The following CNTNAP2 variants were observed in gnomAD, a reference collection of about 807,000 sequenced individuals.
The protein encoded by CNTNAP2 is contactin-associated protein-like 2.
Under a neutral mutation model 155.2 loss-of-function variants are expected in CNTNAP2, and 98 were observed. The ratio of observed to expected loss-of-function variants is 0.63; its 90% CI spans 0.54 to 0.75. The LOEUF is 0.75. CNTNAP2 is among the 30% of genes least tolerant of loss of function. The probability of loss-of-function intolerance (pLI) is 0.00; values close to 1 mark genes in which losing one functional copy is unlikely to be tolerated. For synonymous variants in CNTNAP2, 651 were observed against 631.2 expected, an observed-to-expected ratio of 1.03 and a Z score of -0.47; for missense variants, 1,727 against 1,688.1, an observed-to-expected ratio of 1.02 and a Z score of -0.40.
chr7:146,815,772 T>TTA (rs369028614), intron 2 of CNTNAP2, among the ~76,000 whole-genome samples: 1 of 151,958 alleles, frequency 6.6e-6, no homozygotes, highest in Non-Finnish European at 1.5e-5. Context: ...ACTTTTTTTT[T>TTA]ATTATACTTT....
chr7:146,795,777 C>T (rs1000737563), intron 2 of CNTNAP2, among the ~76,000 whole-genome samples: 1 of 152,118 alleles, frequency 6.6e-6, no homozygotes, highest in Non-Finnish European at 1.5e-5. Context: ...TATGCCCCAG[C>T]AATTTCAATG....
At chr7:147,985,846 T>G (rs1052321050) in intron 15 of CNTNAP2, among the ~76,000 whole-genome samples, 1 of 152,198 alleles carries the variant, frequency 6.6e-6, no homozygotes, top group Non-Finnish European at 1.5e-5. Flanking sequence ...GAAACTCAGC[T>G]TCTGCCCTTA....
chr7:147,735,679 A>G (rs112324122), intron 13 of CNTNAP2, among the ~76,000 whole-genome samples: 29,130 of 152,044 alleles, frequency 0.19, 3,215 homozygotes, highest in Middle Eastern at 0.38. Flanking sequence ...AGGTGTCGAA[A>G]GACTTGCTTT....
chr7:146,724,678 C>T (rs1298270628), intron 1 of CNTNAP2, among the ~76,000 whole-genome samples: 4 of 143,024 alleles, frequency 2.8e-5, no homozygotes, highest in African/African-American at 5.1e-5. Flanking sequence ...TCAAGCAATT[C>T]TCCTGTCTCA....
At chr7:146,915,516 G>T (rs1796374801) in intron 3 of CNTNAP2, among the ~76,000 whole-genome samples, 1 of 152,026 alleles carries the variant, frequency 6.6e-6, no homozygotes, top group South Asian at 2.1e-4. Context: ...TTTCCTTGTA[G>T]AAGTCTTTCA....
At chr7:146,938,114 A>G (rs1386224153) in intron 3 of CNTNAP2, among the ~76,000 whole-genome samples, 3 of 152,148 alleles carry the variant, frequency 2.0e-5, no homozygotes, top group Non-Finnish European at 4.4e-5. Flanking sequence ...AGATAAGTGA[A>G]TTGAAGGGGT....
At chr7:147,832,142 T>G (rs977971252) in intron 13 of CNTNAP2, among the ~76,000 whole-genome samples, 1 of 147,422 alleles carries the variant, frequency 6.8e-6, no homozygotes, top group Non-Finnish European at 1.5e-5. Flanking sequence ...TTTATATTTT[T>G]AAATAAATAT....
intron 1 of CNTNAP2, among the ~76,000 whole-genome samples, chr7:146,288,793 AT>A (rs757136036): frequency 0.019 from 1,881 of 99,914 alleles, 17 homozygotes; most frequent in African/African-American, 0.083. Flanking sequence ...AAAATTAGTA[AT>A]TTTTTTTTTT....
intron 8 of CNTNAP2, among the ~76,000 whole-genome samples, chr7:147,248,175 C>T (rs1804109611): frequency 1.3e-5 from 2 of 152,166 alleles, no homozygotes; most frequent in Middle Eastern, 6.8e-3. Flanking sequence ...TTAGATAGTG[C>T]CAAAGACTAA....
At chr7:147,962,971 A>T (rs190570597) in intron 14 of CNTNAP2, among the ~76,000 whole-genome samples, 230 of 152,286 alleles carry the variant, frequency 1.5e-3, no homozygotes, top group Middle Eastern at 3.4e-3. Flanking sequence ...ATGTCAACAA[A>T]AATGTGACAA....
chr7:148,131,617 A>G (rs554031021), intron 16 of CNTNAP2, among the ~76,000 whole-genome samples: 1 of 152,358 alleles, frequency 6.6e-6, no homozygotes, highest in South Asian at 2.1e-4. Context: ...GATAATGAAC[A>G]CATGGATTTA....
intron 1 of CNTNAP2, among the ~76,000 whole-genome samples, chr7:146,719,524 C>G (rs937810987): frequency 6.6e-6 from 1 of 152,114 alleles, no homozygotes; most frequent in Non-Finnish European, 1.5e-5. Context: ...AACAGACAAA[C>G]CACTTCAGCA....
chr7:148,293,048 G>A (rs1283600712), intron 21 of CNTNAP2, among the ~76,000 whole-genome samples: 2 of 150,062 alleles, frequency 1.3e-5, no homozygotes, highest in Non-Finnish European at 2.9e-5. Flanking sequence ...CAGCGCAGTT[G>A]TATAGACATC....
At chr7:148,208,448 T>C (rs1795490422) in intron 18 of CNTNAP2, among the ~76,000 whole-genome samples, 1 of 151,924 alleles carries the variant, frequency 6.6e-6, no homozygotes, top group East Asian at 1.9e-4. Context: ...TAGAGTGTGA[T>C]GGAAGAGGAG....
At chr7:146,341,314 A>G (rs1030510359) in intron 1 of CNTNAP2, among the ~76,000 whole-genome samples, 31 of 152,174 alleles carry the variant, frequency 2.0e-4, no homozygotes, top group African/African-American at 5.1e-4. Flanking sequence ...TGCAAAAATT[A>G]TAGGTCTTAA....
intron 13 of CNTNAP2, among the ~76,000 whole-genome samples, chr7:147,860,493 G>C (rs532165472): frequency 6.6e-6 from 1 of 151,316 alleles, no homozygotes; most frequent in Non-Finnish European, 1.5e-5. Flanking sequence ...GGGAAGCTGA[G>C]GCATGAGAAT....
At chr7:146,476,290 G>C (rs1471874044) in intron 1 of CNTNAP2, among the ~76,000 whole-genome samples, 1 of 152,026 alleles carries the variant, frequency 6.6e-6, no homozygotes, top group Non-Finnish European at 1.5e-5. Flanking sequence ...AAAGAATCTT[G>C]TAATATTTTA....
chr7:147,400,628 T>A (rs1453819025), intron 10 of CNTNAP2, among the ~76,000 whole-genome samples: 3 of 152,170 alleles, frequency 2.0e-5, no homozygotes, highest in Non-Finnish European at 4.4e-5. Flanking sequence ...TGTTTTTTAC[T>A]TTATGCTAGG....
At chr7:146,612,783 G>A (rs1799159769) in intron 1 of CNTNAP2, among the ~76,000 whole-genome samples, 1 of 151,890 alleles carries the variant, frequency 6.6e-6, no homozygotes, top group Admixed American at 6.6e-5. Flanking sequence ...CATTACTTTG[G>A]CCTTTCCTTA....
Sources: gnomAD v4.1 joint callset for allele counts (sites outside exome capture counted in the v4.1 genomes callset) on GRCh38, gnomAD v4.1.1 for gene constraint, MANE v1.5 for transcripts, NCBI Gene and HGNC (gene_info 2026-07-23, HGNC 2026-07-21) for gene names.